The following NEDD4 variants were observed in gnomAD, a reference collection of about 807,000 sequenced individuals.
NEDD4 encodes the protein NEDD4 E3 ubiquitin protein ligase, also known as E3 ubiquitin-protein ligase NEDD4.
In NEDD4, 99 loss-of-function variants were observed where a neutral mutation model predicts 144.9. The ratio of observed to expected loss-of-function variants is 0.68; its 90% confidence interval spans 0.58 to 0.81. NEDD4 has a LOEUF of 0.81. NEDD4 is among the 30% of genes least tolerant of loss of function. NEDD4 has a pLI of 0.00. For synonymous variants in NEDD4, 318 were observed against 350.6 expected, an observed-to-expected ratio of 0.91 and a Z score of 1.04; for missense variants, 985 against 1,065.9, an observed-to-expected ratio of 0.92 and a Z score of 1.06.
chr15:55,925,303 G>A (rs1232729845), intron 4 of NEDD4, among the ~76,000 whole-genome samples: 3 of 152,088 alleles, frequency 2.0e-5, no homozygotes, highest in Admixed American at 6.6e-5. Context: ...GTTTGCAAAC[G>A]CTTATAAATA....
chr15:55,860,481 G>A lies in NEDD4; in HGVS notation c.886C>T (p.His296Tyr). Residue 296 changes from histidine to tyrosine, a missense_variant, in exon 11 of 29, where the codon CAT (histidine) becomes TAT (tyrosine). Coordinates refer to ENST00000435532, the MANE Select transcript of NEDD4 (RefSeq NM_006154.4). ...CTGGCATTCAATTCTTCTGCAAGAT[G>A]AGTTGGAACATCCAAGTTACTTGAC... ...PPSSNLDVPT[H>Y]LAEELNARLT... 6.2e-7 allele frequency: 1 copy of A among 1,614,148 alleles called. No individual in the cohort carries two copies. Among genetic ancestry groups the A allele is most frequent in the Non-Finnish European group, 8.5e-7 (1 of 1,180,016 alleles).
At chr15:55,830,058 G>C in intron 28 of NEDD4, 59 bp from the exon 29 acceptor site, 1 of 1,121,480 alleles carries the variant, frequency 8.9e-7, no homozygotes, top group Admixed American at 2.0e-5. Context: ...TACCACCACA[G>C]CAAACAGAGC....
chr15:55,935,144 A>G (rs2036861195), intron 4 of NEDD4, among the ~76,000 whole-genome samples: 1 of 152,138 alleles, frequency 6.6e-6, no homozygotes, highest in Non-Finnish European at 1.5e-5. Flanking sequence ...GTGGGATTAC[A>G]GGCATGAGCC....
At chr15:55,856,028 T>C (rs376876347) in intron 12 of NEDD4, 103 bp downstream of exon 12, 5 of 938,318 alleles carry the variant, frequency 5.3e-6, no homozygotes, top group Admixed American at 3.9e-5. Context: ...CTGTGCTGTA[T>C]TGGCTCCCTG....
intron 27 of NEDD4, among the ~76,000 whole-genome samples, chr15:55,832,641 C>T (rs1359932883): frequency 6.6e-6 from 1 of 152,142 alleles, no homozygotes; most frequent in African/African-American, 2.4e-5. Flanking sequence ...ATCTTGAACT[C>T]CTGACCTCAA....
At chr15:55,963,235 G>A (rs1566970702) in intron 2 of NEDD4, among the ~76,000 whole-genome samples, 2 of 149,712 alleles carry the variant, frequency 1.3e-5, no homozygotes, top group African/African-American at 2.5e-5. Context: ...GGGCTCCAGC[G>A]ATCCTCCAAC....
At chr15:55,928,772 T>C (rs2036723971) in intron 4 of NEDD4, among the ~76,000 whole-genome samples, 1 of 152,180 alleles carries the variant, frequency 6.6e-6, no homozygotes, top group African/African-American at 2.4e-5. Context: ...TTCCTTTTAT[T>C]AAAGTTAATT....
At chr15:55,929,440 T>C (rs1440377913) in intron 4 of NEDD4, among the ~76,000 whole-genome samples, 2 of 152,070 alleles carry the variant, frequency 1.3e-5, no homozygotes, top group Non-Finnish European at 2.9e-5. Context: ...TCCCAGGTAA[T>C]AAGCATAGTA....
At chr15:55,956,374 C>T (rs749445280) in intron 2 of NEDD4, among the ~76,000 whole-genome samples, 1 of 152,096 alleles carries the variant, frequency 6.6e-6, no homozygotes, top group African/African-American at 2.4e-5. Context: ...TTCACGTAAA[C>T]TTTGTGTAAC....
At chr15:55,904,202 G>A (rs1289296089) in intron 5 of NEDD4, among the ~76,000 whole-genome samples, 12 of 152,128 alleles carry the variant, frequency 7.9e-5, no homozygotes, top group African/African-American at 2.7e-4. Context: ...AAAAATCATA[G>A]TTGAGGCTTC....
At chr15:55,937,389 C>G (rs2036915101) in intron 4 of NEDD4, among the ~76,000 whole-genome samples, 1 of 152,084 alleles carries the variant, frequency 6.6e-6, no homozygotes, top group South Asian at 2.1e-4. Flanking sequence ...TAATAATGTC[C>G]TTTGCACAGA....
intron 11 of NEDD4, among the ~76,000 whole-genome samples, chr15:55,857,501 G>A (rs1484290493): frequency 2.0e-5 from 3 of 151,926 alleles, no homozygotes; most frequent in Admixed American, 6.6e-5. Flanking sequence ...GCTAATTTTT[G>A]TATTAGAGAC....
Position 55,848,903 on chromosome 15 carries a change from A to T in NEDD4, c.1348-17T>A. On this transcript the variant is annotated splice_polypyrimidine_tract_variant and intron_variant, in intron 14 of 28. Transcript: ENST00000435532. ...TGGATCTTCCTTTTTTGGTAGAGTA[A>T]ATAAAGAACAATACACACAAATTTT... is the stretch of plus-strand genomic sequence containing the variant. The T allele has an allele frequency of 1.3e-6, 2 of 1,579,558 alleles. No homozygotes were observed. The highest frequency in any genetic ancestry group is 2.2e-5 in the East Asian group (1 of 44,572).
intron 5 of NEDD4, among the ~76,000 whole-genome samples, chr15:55,883,524 C>T (rs2035271360): frequency 6.6e-6 from 1 of 150,384 alleles, no homozygotes; most frequent in Non-Finnish European, 1.5e-5. Flanking sequence ...GCCCTAGGGC[C>T]TTGGAGCAAA....
chr15:55,918,218 G>C (rs922153346), intron 5 of NEDD4, among the ~76,000 whole-genome samples: 1 of 152,054 alleles, frequency 6.6e-6, no homozygotes, highest in Non-Finnish European at 1.5e-5. Flanking sequence ...TGTCCTTTTA[G>C]AGGTTGTGAT....
chr15:55,893,578 A>C (rs1218010979), intron 5 of NEDD4, among the ~76,000 whole-genome samples: 1 of 151,654 alleles, frequency 6.6e-6, no homozygotes, highest in African/African-American at 2.4e-5. Context: ...TATTTATAAG[A>C]CATTTAATTT....
chr15:55,856,123 A>C lies in NEDD4; in HGVS notation c.1026+8T>G. The C allele has an allele frequency of 6.2e-7, 1 of 1,610,102 alleles. No individual in the cohort carries two copies. Among genetic ancestry groups the C allele is most frequent in the Non-Finnish European group, 8.5e-7 (1 of 1,176,518 alleles). On this transcript the variant is annotated splice_region_variant and intron_variant, in intron 12 of 28. Transcript: ENST00000435532. ...TTTTATTGATTGATGGGAGAGGGTA[A>C]AACTCACCACAGGAAGTGTAGGTTG...
chr15:55,841,056 C>T (rs1349334702), intron 19 of NEDD4, among the ~76,000 whole-genome samples: 7 of 152,094 alleles, frequency 4.6e-5, no homozygotes, highest in African/African-American at 1.7e-4. Context: ...GTCTCAGCCT[C>T]CCAAGTAGCT....
intron 1 of NEDD4, among the ~76,000 whole-genome samples, chr15:55,968,688 G>T (rs1483827585): frequency 6.6e-6 from 1 of 152,168 alleles, no homozygotes; most frequent in South Asian, 2.1e-4. Context: ...TGGTGGGAGT[G>T]TAAATTGATG....
Sources: allele counts gnomAD v4.1 joint callset (sites outside exome capture counted in the v4.1 genomes callset), GRCh38; gene constraint gnomAD v4.1.1; transcripts MANE v1.5; gene names NCBI Gene and HGNC (gene_info 2026-07-23, HGNC 2026-07-21).